The following LHFPL2 variants were observed in gnomAD, a reference collection of about 807,000 sequenced individuals.
The protein encoded by LHFPL2 is LHFPL tetraspan subfamily member 2 protein.
Under a neutral mutation model 17.5 loss-of-function variants are expected in LHFPL2, and 7 were observed. The ratio of observed to expected loss-of-function variants is 0.40; its 90% confidence interval spans 0.23 to 0.75. LHFPL2 has a LOEUF of 0.75. Among genes scored for constraint, LHFPL2 ranks in the 30% least tolerant of loss-of-function variants. The probability of loss-of-function intolerance (pLI) is 0.37; values close to 1 mark genes in which losing one functional copy is unlikely to be tolerated. For synonymous variants in LHFPL2, 134 were observed against 116.2 expected (o/e 1.15, Z -0.99); for missense variants, 241 against 294.8 (o/e 0.82, Z 1.34).
intron 1 of LHFPL2, among the ~76,000 whole-genome samples, chr5:78,635,391 C>T (rs1236763678): frequency 1.3e-5 from 2 of 152,220 alleles, no homozygotes; most frequent in African/African-American, 2.4e-5. Context: ...CCCCTCTTCC[C>T]CCAGGGAAAA....
At chr5:78,512,156 T>C (rs954320285) in intron 3 of LHFPL2, among the ~76,000 whole-genome samples, 19 of 151,998 alleles carry the variant, frequency 1.3e-4, no homozygotes, top group African/African-American at 4.8e-5. Flanking sequence ...CAGACAACTA[T>C]TGATCCAACT....
At chr5:78,612,216 G>A (rs146362254) in intron 2 of LHFPL2, among the ~76,000 whole-genome samples, 140 of 152,204 alleles carry the variant, frequency 9.2e-4, no homozygotes, top group African/African-American at 3.2e-3. Context: ...TCTCCCATCC[G>A]ATTAAAGAGG....
At chr5:78,574,096 G>C (rs911819937) in intron 2 of LHFPL2, among the ~76,000 whole-genome samples, 7 of 152,198 alleles carry the variant, frequency 4.6e-5, no homozygotes, top group African/African-American at 1.7e-4. Flanking sequence ...GAGGAGGAGA[G>C]TACGCTCACG....
intron 3 of LHFPL2, among the ~76,000 whole-genome samples, chr5:78,539,247 C>T (rs774534843): frequency 4.5e-4 from 69 of 152,298 alleles, no homozygotes; most frequent in Admixed American, 2.1e-3. Flanking sequence ...AGCCCTCACC[C>T]GACACCACTG....
intron 4 of LHFPL2, among the ~76,000 whole-genome samples, chr5:78,499,403 T>C (rs1191646419): frequency 6.6e-6 from 1 of 152,202 alleles, no homozygotes; most frequent in African/African-American, 2.4e-5. Context: ...ACTACTAATA[T>C]CATTTGACAT....
chr5:78,559,827 C>T (rs992176041), intron 3 of LHFPL2, among the ~76,000 whole-genome samples: 1 of 152,162 alleles, frequency 6.6e-6, no homozygotes, highest in Non-Finnish European at 1.5e-5. Context: ...AGTATCATAA[C>T]AATTAAACTG....
At chr5:78,534,223 G>A (rs540556597) in intron 3 of LHFPL2, among the ~76,000 whole-genome samples, 2 of 152,334 alleles carry the variant, frequency 1.3e-5, no homozygotes, top group East Asian at 1.9e-4. Context: ...GCCGTAGGTC[G>A]AGAGAACAGG....
Position 78,489,845 on chromosome 5 carries a change from G to A in LHFPL2, c.431-692C>T, listed in dbSNP as rs554370500. 2.0e-4 allele frequency among the ~76,000 whole-genome samples: 30 copies of A among 152,258 alleles called. 1 individual carries two copies. In the South Asian group the frequency reaches 6.0e-3, roughly 31 times the overall value. ...TGGATGCCTACGACTGCTTTGCTAT[G>A]GTCTGCAAAATCTAAAATGTTTACT... On this transcript the variant is annotated intron_variant, in intron 4 of 4. Coordinates refer to ENST00000380345, the MANE Select transcript of LHFPL2 (RefSeq NM_005779.3).
chr5:78,525,183 G>A (rs991061577), intron 3 of LHFPL2, among the ~76,000 whole-genome samples: 1 of 152,194 alleles, frequency 6.6e-6, no homozygotes, highest in African/African-American at 2.4e-5. Context: ...TGCTCCAGAA[G>A]GTACTGCTGT....
rs919716334 is a variant in LHFPL2 at position 78,488,785 on chromosome 5, T to C, written c.*112A>G. 24 of 1,268,186 alleles carry C rather than the reference T, an allele frequency of 1.9e-5. No homozygotes were observed. Among genetic ancestry groups the C allele is most frequent in the African/African-American group, 1.3e-4 (9 of 67,302 alleles). The allele number at this position is 1,268,186 out of a possible 1,614,324, so 78.6% of individuals were successfully genotyped here. A position where few individuals can be genotyped will look rare whatever the true frequency, so the allele number is the denominator to read the frequency against. ...TTGGTCCTGTTTAAGCCTCGGGCCG[T>C]GGAACGTGGCTTTGGTAGGTAAAGG... On this transcript the variant is annotated 3_prime_UTR_variant, in exon 5 of 5. Transcript: ENST00000380345.
chr5:78,599,475 ATT>A (rs34830490), intron 2 of LHFPL2, among the ~76,000 whole-genome samples: 53,460 of 143,248 alleles, frequency 0.37, 9,769 homozygotes, highest in Non-Finnish European at 0.43. Flanking sequence ...AATTTTTTGT[ATT>A]TTTTTTTTTT....
At chr5:78,606,230 T>G (rs534773613) in intron 2 of LHFPL2, among the ~76,000 whole-genome samples, 15 of 152,338 alleles carry the variant, frequency 9.8e-5, no homozygotes, top group African/African-American at 3.6e-4. Flanking sequence ...GCCTCTATAT[T>G]TGAAATTTTG....
chr5:78,637,166 T>A (rs1331850322), intron 1 of LHFPL2, among the ~76,000 whole-genome samples: 1 of 152,096 alleles, frequency 6.6e-6, no homozygotes, highest in Non-Finnish European at 1.5e-5. Context: ...TCTGGTCACA[T>A]ATGTCTAGCT....
rs187524339 is a variant in LHFPL2, at chr5:78,501,460, C to T, written c.430+8324G>A. On this transcript the variant is annotated intron_variant, in intron 4 of 4. Transcript: ENST00000380345. ...AAGAGATGGGGGAGTGTAGAGGGTA[C>T]CTGCGTTAAGATGCGGACCCCTTTC... Among the ~76,000 whole-genome samples, 3 of 152,216 alleles carry T rather than the reference C, an allele frequency of 2.0e-5. No homozygotes were observed. The East Asian group carries it at 5.8e-4, about 29-fold the overall frequency.
chr5:78,539,816 C>CTTTT (rs11351036), intron 3 of LHFPL2, among the ~76,000 whole-genome samples: 1 of 137,554 alleles, frequency 7.3e-6, no homozygotes. Flanking sequence ...AAGACTTTTG[C>CTTTT]TTTTTTTTTT....
chr5:78,498,277 T>C (rs1754669604), intron 4 of LHFPL2, among the ~76,000 whole-genome samples: 2 of 152,114 alleles, frequency 1.3e-5, no homozygotes, highest in Non-Finnish European at 2.9e-5. Flanking sequence ...TGGGGGTGTG[T>C]TTTTCTGTTT....
At chr5:78,586,052 T>C (rs1339284389) in intron 2 of LHFPL2, among the ~76,000 whole-genome samples, 1 of 152,214 alleles carries the variant, frequency 6.6e-6, no homozygotes, top group Non-Finnish European at 1.5e-5. Flanking sequence ...AGCACCAACC[T>C]TGAAGTTCAA....
chr5:78,647,906 C>A (rs959522170), intron 1 of LHFPL2, among the ~76,000 whole-genome samples: 2 of 152,200 alleles, frequency 1.3e-5, no homozygotes, highest in African/African-American at 4.8e-5. Context: ...AGCCCGTGGG[C>A]TCAAGCCGCC....
intron 3 of LHFPL2, among the ~76,000 whole-genome samples, chr5:78,528,728 A>G (rs1415744111): frequency 6.6e-6 from 1 of 152,188 alleles, no homozygotes; most frequent in Non-Finnish European, 1.5e-5. Flanking sequence ...TAACTCCCTC[A>G]CAGCTGTCAG....
Sources: allele counts gnomAD v4.1 joint callset (sites outside exome capture counted in the v4.1 genomes callset), GRCh38; gene constraint gnomAD v4.1.1; transcripts MANE v1.5; gene names NCBI Gene and HGNC (gene_info 2026-07-23, HGNC 2026-07-21).